Variants in RPS10 observed in about 807,000 individuals in gnomAD.
The protein encoded by RPS10 is ribosomal protein S10, also known as small ribosomal subunit protein eS10.
RPS10 carries 2 observed loss-of-function variants against 22.6 expected under a neutral mutation model. That is an observed-to-expected ratio of 0.09 (90% CI 0.04 to 0.28). RPS10 has a LOEUF of 0.28. Among genes scored for constraint, RPS10 ranks in the 10% least tolerant of loss-of-function variants. The probability of loss-of-function intolerance (pLI) is 1.00; values close to 1 mark genes in which losing one functional copy is unlikely to be tolerated. For synonymous variants in RPS10, 70 were observed against 75.9 expected, an observed-to-expected ratio of 0.92 and a Z score of 0.40; for missense variants, 137 against 222.2, an observed-to-expected ratio of 0.62 and a Z score of 2.44.
At chr6:34,418,644 C>T (rs1484999300) in intron 4 of RPS10, among the ~76,000 whole-genome samples, 1 of 152,120 alleles carries the variant, frequency 6.6e-6, no homozygotes, top group Admixed American at 6.6e-5. Flanking sequence ...ATACTCACAG[C>T]CCAAACTATA....
At chr6:34,424,491 T>C in intron 3 of RPS10, 178 bp downstream of exon 3, 2 of 752,356 alleles carry the variant, frequency 2.7e-6, no homozygotes, top group Non-Finnish European at 4.3e-6. Context: ...ATGGATGGCC[T>C]GAAGAACTGA....
intron 4 of RPS10, among the ~76,000 whole-genome samples, chr6:34,418,765 G>A (rs1297397706): frequency 6.6e-6 from 1 of 152,108 alleles, no homozygotes; most frequent in Non-Finnish European, 1.5e-5. Context: ...CATGTAAAGG[G>A]AAGGGCCCAC....
intron 4 of RPS10, among the ~76,000 whole-genome samples, chr6:34,420,711 G>A (rs905639201): frequency 2.0e-5 from 3 of 151,982 alleles, no homozygotes; most frequent in South Asian, 4.2e-4. Flanking sequence ...AATCAACAAC[G>A]AGTGACTTTA....
At position 34,417,840 on chromosome 6, in the gene RPS10, G is replaced by C. The variant is rs1025211801; in HGVS notation, c.457-293C>G. ...GCACCAGGATTGGACCGTTTCTACTGTACATGCTTCCTTTTTACAAATGAC... is the reference window on the plus strand; with the variant it reads ...GCACCAGGATTGGACCGTTTCTACTCTACATGCTTCCTTTTTACAAATGAC... On this transcript the variant is annotated intron_variant, in intron 5 of 5. Transcript: ENST00000648437. 65 of 718,388 alleles carry C rather than the reference G, an allele frequency of 9.0e-5. No individual in the cohort carries two copies. In the Admixed American group the frequency reaches 1.1e-3, roughly 12 times the overall value. The allele number at this position is 718,388 out of a possible 1,614,324, so 44.5% of individuals were successfully genotyped here.
chr6:34,418,038 T>A (rs1554163285), intron 5 of RPS10: 2 of 764,098 alleles, frequency 2.6e-6, no homozygotes, highest in Non-Finnish European at 4.2e-6. Flanking sequence ...TTACATCAAC[T>A]GAAAAAAGAT....
At chr6:34,418,276 C>G (rs1460729912) in intron 5 of RPS10, 93 bp downstream of exon 5, 25 of 1,603,444 alleles carry the variant, frequency 1.6e-5, no homozygotes, top group Middle Eastern at 3.4e-4. Context: ...CAGGACCCAC[C>G]CATACTATAT....
intron 4 of RPS10, among the ~76,000 whole-genome samples, chr6:34,419,056 T>C (rs772821284): frequency 1.3e-5 from 2 of 152,144 alleles, no homozygotes; most frequent in Non-Finnish European, 2.9e-5. Flanking sequence ...TTCGCTCTTG[T>C]TGCCCAGGCT....
intron 4 of RPS10, among the ~76,000 whole-genome samples, chr6:34,421,342 C>A (rs548280050): frequency 9.9e-5 from 15 of 151,916 alleles, no homozygotes; most frequent in East Asian, 3.9e-4. Flanking sequence ...CACCACCACA[C>A]CGCCCTAATT....
chr6:34,420,079 C>T (rs1765710768), intron 4 of RPS10, among the ~76,000 whole-genome samples: 1 of 152,140 alleles, frequency 6.6e-6, no homozygotes, highest in Non-Finnish European at 1.5e-5. Context: ...AAATAAAAGA[C>T]ATTAGTACTC....
At chr6:34,422,445 G>A (rs1159858988) in intron 3 of RPS10, among the ~76,000 whole-genome samples, 1 of 152,214 alleles carries the variant, frequency 6.6e-6, no homozygotes, top group Non-Finnish European at 1.5e-5. Flanking sequence ...CTCCCCAGTA[G>A]GTGGGATTAC....
At chr6:34,425,671 C>T (rs968673403) in intron 1 of RPS10, 3 of 200,042 alleles carry the variant, frequency 1.5e-5, no homozygotes, top group Admixed American at 5.3e-5. Flanking sequence ...GGCCTTCGCA[C>T]CCTCGTCTCC....
chr6:34,421,704 C>G (rs1765775197), intron 4 of RPS10, 26 bp downstream of exon 4: 1 of 1,612,898 alleles, frequency 6.2e-7, no homozygotes, highest in Non-Finnish European at 8.5e-7. Flanking sequence ...CCCAACACCC[C>G]TAATATAGGT....
chr6:34,421,168 A>T (rs1765753033), intron 4 of RPS10, among the ~76,000 whole-genome samples: 1 of 138,808 alleles, frequency 7.2e-6, no homozygotes, highest in Admixed American at 7.2e-5. Flanking sequence ...AATTACTGAA[A>T]CCATATTTGT....
In RPS10 at chr6:34,424,642, C is replaced by T. The variant is rs200523961; in HGVS notation, c.322+27G>A. ...CACAAAAGAAACTATCTTCAAATAGCTGAAGGGATTTGTGTGGGAACCATA... is the reference window on the plus strand; with the variant it reads ...CACAAAAGAAACTATCTTCAAATAGTTGAAGGGATTTGTGTGGGAACCATA... On this transcript the variant is annotated intron_variant, in intron 3 of 5. Transcript: ENST00000648437. 134 of 1,613,804 alleles carry T rather than the reference C, an allele frequency of 8.3e-5. 1 individual carries two copies. Among genetic ancestry groups the T allele is most frequent in the Admixed American group, 3.7e-4 (22 of 59,990 alleles).
chr6:34,418,544 A>G, intron 4 of RPS10, 120 bp from the exon 5 acceptor site: 1 of 1,466,032 alleles, frequency 6.8e-7, no homozygotes, highest in Non-Finnish European at 9.4e-7. Flanking sequence ...GTTAAATATA[A>G]GCAAATTACA....
Position 34,424,715 on chromosome 6 carries a change from G to A in RPS10, c.276C>T (p.Ala92=). ...TCTCTGGACGGCTACGGCGTAGGGT[G>A]GCAGGCACAATCTCCGGGGGCAGAT... ...YLHLPPEIVP[A]TLRRSRPETG... The change falls in exon 3 of 6, where the codon GCC becomes GCT. Residue 92 remains alanine, a synonymous_variant. Coordinates refer to ENST00000648437, the MANE Select transcript of RPS10 (RefSeq NM_001014.5). The A allele has an allele frequency of 6.2e-7, 1 of 1,614,158 alleles. No individual in the cohort carries two copies. Among genetic ancestry groups the A allele is most frequent in the Non-Finnish European group, 8.5e-7 (1 of 1,180,024 alleles).
chr6:34,425,262 C>G (rs371102270), intron 1 of RPS10, 41 bp from the exon 2 acceptor site: 41 of 1,570,496 alleles, frequency 2.6e-5, no homozygotes, highest in Non-Finnish European at 3.3e-5. Context: ...TTCTGAGTAA[C>G]GAGGCCGGGG....
At chr6:34,417,821 G>A (rs1765629662) in intron 5 of RPS10, 4 of 718,664 alleles carry the variant, frequency 5.6e-6, no homozygotes, top group Non-Finnish European at 1.0e-5. Context: ...TCCAGCACCA[G>A]GATTGGACCG....
chr6:34,418,297 C>A, intron 5 of RPS10, 72 bp downstream of exon 5: 1 of 1,611,866 alleles, frequency 6.2e-7, no homozygotes, highest in Non-Finnish European at 8.5e-7. Context: ...GACATCCCCA[C>A]AACTTGCAGA....
Sources: gnomAD v4.1 joint callset for allele counts (sites outside exome capture counted in the v4.1 genomes callset) on GRCh38, gnomAD v4.1.1 for gene constraint, MANE v1.5 for transcripts, NCBI Gene and HGNC (gene_info 2026-07-23, HGNC 2026-07-21) for gene names.